Variants in TANC2 observed in about 807,000 individuals in gnomAD.
TANC2 encodes tetratricopeptide repeat, ankyrin repeat and coiled-coil containing 2.
A neutral mutation model predicts 210.5 loss-of-function variants in TANC2; 26 were observed. The observed-to-expected ratio is 0.12, with a 90% CI of 0.09 to 0.17. The LOEUF (loss-of-function observed/expected upper bound fraction) is 0.17, where lower values mean the gene tolerates loss of function less well. Ranked by LOEUF, TANC2 falls within the 10% of genes least tolerant of loss-of-function variation. TANC2 has a pLI of 1.00. For synonymous variants in TANC2, 931 were observed against 967.1 expected, an observed-to-expected ratio of 0.96 and a Z score of 0.69; for missense variants, 2,129 against 2,608.9, an observed-to-expected ratio of 0.82 and a Z score of 4.01.
At chr17:63,168,722 G>A (rs2040298905) in intron 5 of TANC2, among the ~76,000 whole-genome samples, 2 of 152,146 alleles carry the variant, frequency 1.3e-5, no homozygotes, top group Admixed American at 1.3e-4. Flanking sequence ...ATTTGAGTTT[G>A]TAACCTTTGC....
rs149354956 is a variant in TANC2, at chr17:63,421,685, C to G, written c.5955C>G (p.Ala1985=). ...CACCATCATCCATCAGCAACATTGC[C>G]TTTTATAACAAAACCAACAATGCAC... Residue 1985 remains alanine (A), a synonymous_variant, in exon 28 of 28, where the codon GCC becomes GCG. Coordinates refer to ENST00000689528, the Ensembl canonical transcript of TANC2. The surrounding 1 kb of genome is among the most constrained non-coding windows in gnomAD (Gnocchi z 6.9). 1.9e-6 allele frequency: 3 copies of G among 1,614,066 alleles called. No homozygotes were observed. The highest frequency in any genetic ancestry group is 2.7e-5 in the African/African-American group (2 of 75,064).
At position 63,412,607 on chromosome 17, in the gene TANC2, CTT is replaced by C. The variant is rs34592714; in HGVS notation, c.3899-61_3899-60del. The stretch of plus-strand genomic sequence containing the variant: ...TGCCTCTCACTGCTGCTTTTTCCTT[CTT>C]TTTTTTTTTTTCACCTTCATCCATT... On this transcript the variant is annotated intron_variant, in intron 23 of 27. Transcript: ENST00000689528. The surrounding 1 kb of genome is among the most constrained non-coding windows in gnomAD (Gnocchi z 4.2). The C allele has an allele frequency of 4.5e-3, 5,040 of 1,113,142 alleles. No homozygotes were observed. Among genetic ancestry groups the C allele is most frequent in the Non-Finnish European group, 4.9e-3 (3,881 of 800,084 alleles). 69.0% of individuals were successfully genotyped at this position (1,113,142 alleles called of 1,614,324 possible). A position where few individuals can be genotyped will look rare whatever the true frequency, so the allele number is the denominator to read the frequency against.
At chr17:63,255,139 C>G (rs1435468083) in intron 8 of TANC2, among the ~76,000 whole-genome samples, 3 of 151,740 alleles carry the variant, frequency 2.0e-5, no homozygotes, top group South Asian at 4.2e-4. Context: ...AAGTCTCACT[C>G]TGTCCCCCAG....
intron 4 of TANC2, among the ~76,000 whole-genome samples, chr17:63,110,678 C>T (rs2038002245): frequency 6.6e-6 from 1 of 152,148 alleles, no homozygotes; most frequent in African/African-American, 2.4e-5. Flanking sequence ...GGTCTTAATC[C>T]CAGCCACAAA....
Position 63,124,599 on chromosome 17 carries a change from A to G in TANC2, c.322+25242A>G, listed in dbSNP as rs377361654. On this transcript the variant is annotated intron_variant, in intron 4 of 27. Coordinates refer to ENST00000689528, the Ensembl canonical transcript of TANC2. ...TAATGAGAAACTTACAGTCAAATAC[A>G]CTTCTTAGAGTTCTAATTGCTTTTT... Among the ~76,000 whole-genome samples the G allele has an allele frequency of 3.9e-5, 6 of 152,282 alleles. No individual in the cohort carries two copies. In the East Asian group the frequency reaches 1.2e-3, roughly 29 times the overall value.
At chr17:63,136,964 G>T (rs1183282038) in intron 4 of TANC2, among the ~76,000 whole-genome samples, 2 of 152,166 alleles carry the variant, frequency 1.3e-5, no homozygotes, top group Non-Finnish European at 2.9e-5. Flanking sequence ...GCAGAACTCT[G>T]CAGAGGGGTT....
intron 8 of TANC2, among the ~76,000 whole-genome samples, chr17:63,251,866 C>CCAA (rs1419971205): frequency 6.6e-6 from 1 of 152,018 alleles, no homozygotes; most frequent in Non-Finnish European, 1.5e-5. Context: ...TGTGCTCATG[C>CCAA]CAAAGCATAT....
chr17:63,193,401 A>G (rs1458052444), intron 5 of TANC2, among the ~76,000 whole-genome samples: 4 of 152,190 alleles, frequency 2.6e-5, no homozygotes, highest in African/African-American at 9.6e-5. Flanking sequence ...TTATTAGAGA[A>G]GTTGATATAA....
intron 15 of TANC2, among the ~76,000 whole-genome samples, chr17:63,383,290 A>G (rs146220774): frequency 5.7e-4 from 87 of 152,324 alleles, no homozygotes; most frequent in Middle Eastern, 3.4e-3. Flanking sequence ...GCATAATGTC[A>G]TGTATCCACC....
chr17:63,149,005 C>A (rs2039556357), intron 4 of TANC2: 1 of 152,166 alleles, frequency 6.6e-6, no homozygotes, highest in African/African-American at 2.4e-5. Context: ...TATTATTAGA[C>A]AAGCACAGTA....
At chr17:63,110,227 G>T (rs2037983859) in intron 4 of TANC2, among the ~76,000 whole-genome samples, 1 of 151,506 alleles carries the variant, frequency 6.6e-6, no homozygotes, top group African/African-American at 2.4e-5. Context: ...AACTGTTATT[G>T]GTAGTTTCAT....
rs1259458741 is a variant in TANC2 at position 63,397,891 on chromosome 17, C to T, written c.3238-930C>T. Among the ~76,000 whole-genome samples, 10 of 152,320 alleles carry T rather than the reference C, an allele frequency of 6.6e-5. No individual in the cohort carries two copies. In the East Asian group the frequency reaches 1.9e-3, roughly 29 times the overall value. On this transcript the variant is annotated intron_variant, in intron 18 of 27. Coordinates refer to ENST00000689528, the Ensembl canonical transcript of TANC2. ...GCTTTCAGAATTTCTGAGAATTTAA[C>T]AGTCAGCTTTCATGGGCCAGTGCAA...
At chr17:63,145,873 A>G (rs545974067) in intron 4 of TANC2, among the ~76,000 whole-genome samples, 10 of 152,132 alleles carry the variant, frequency 6.6e-5, no homozygotes, top group African/African-American at 2.2e-4. Flanking sequence ...TGTTTTGACT[A>G]TTTAGGTTCC....
intron 2 of TANC2, among the ~76,000 whole-genome samples, chr17:63,067,123 A>C (rs1462071463): frequency 6.6e-6 from 1 of 152,248 alleles, no homozygotes; most frequent in Non-Finnish European, 1.5e-5. Context: ...GTATTAAAGA[A>C]GACTTGGAGT....
intron 7 of TANC2, among the ~76,000 whole-genome samples, chr17:63,228,238 G>T (rs1213764079): frequency 6.6e-6 from 1 of 152,152 alleles, no homozygotes; most frequent in South Asian, 2.1e-4. Flanking sequence ...TCAGATGATT[G>T]TAGATGTGTG....
chr17:63,370,498 T>G (rs576924895), intron 14 of TANC2, among the ~76,000 whole-genome samples: 217 of 152,324 alleles, frequency 1.4e-3, no homozygotes, highest in African/African-American at 5.0e-3. Context: ...TCCTTTCTAC[T>G]CTTTCTTCAT....
intron 7 of TANC2, among the ~76,000 whole-genome samples, chr17:63,213,834 T>C (rs1051881893): frequency 4.6e-5 from 7 of 152,222 alleles, no homozygotes; most frequent in African/African-American, 1.7e-4. Context: ...TTAAATTAGC[T>C]TTAAGAATAT....
chr17:63,330,453 AATTT>A (rs888842147), intron 11 of TANC2, among the ~76,000 whole-genome samples: 8 of 152,162 alleles, frequency 5.3e-5, no homozygotes, highest in African/African-American at 1.9e-4. Flanking sequence ...TTAAAAAAAA[AATTT>A]ATTCAGGATC....
At chr17:63,190,683 CA>C (rs1187467804) in intron 5 of TANC2, among the ~76,000 whole-genome samples, 3 of 152,084 alleles carry the variant, frequency 2.0e-5, no homozygotes, top group Non-Finnish European at 4.4e-5. Context: ...GATATCATAA[CA>C]AAATTGTCTT....
Sources: gnomAD v4.1 joint callset for allele counts (sites outside exome capture counted in the v4.1 genomes callset) on GRCh38, gnomAD v4.1.1 for gene constraint, Gnocchi (gnomAD v3.1) non-coding constraint, MANE v1.5 for transcripts, NCBI Gene and HGNC (gene_info 2026-07-23, HGNC 2026-07-21) for gene names.